RUVBL1: variants seen among roughly 807,000 people sequenced by gnomAD.
The protein encoded by RUVBL1 is RuvB like AAA ATPase 1.
A neutral mutation model predicts 52.4 loss-of-function variants in RUVBL1; 4 were observed. The observed-to-expected ratio is 0.08, with a 90% CI of 0.04 to 0.17. The LOEUF is 0.17. Among genes scored for constraint, RUVBL1 ranks in the 10% least tolerant of loss-of-function variants. The probability of loss-of-function intolerance (pLI) is 1.00; values close to 1 mark genes in which losing one functional copy is unlikely to be tolerated. For missense variants in RUVBL1, 298 were observed against 572.8 expected, an observed-to-expected ratio of 0.52 and a Z score of 4.90; for synonymous variants, 217 against 214.4, an observed-to-expected ratio of 1.01 and a Z score of -0.10.
intron 8 of RUVBL1, among the ~76,000 whole-genome samples, chr3:128,090,343 C>T (rs1942802157): frequency 1.3e-5 from 2 of 151,854 alleles, no homozygotes; most frequent in Non-Finnish European, 2.9e-5. Flanking sequence ...CACGGTGAAA[C>T]CCCGTCTCTA....
intron 8 of RUVBL1, among the ~76,000 whole-genome samples, chr3:128,088,999 A>G (rs550730265): frequency 6.6e-6 from 1 of 152,230 alleles, no homozygotes; most frequent in Non-Finnish European, 1.5e-5. Flanking sequence ...ATAGAGCTAC[A>G]CATGAGTTAT....
intron 8 of RUVBL1, among the ~76,000 whole-genome samples, chr3:128,092,129 T>C (rs1343952411): frequency 6.6e-6 from 1 of 152,240 alleles, no homozygotes; most frequent in African/African-American, 2.4e-5. Flanking sequence ...CAAATGGTTC[T>C]GGGACAACTG....
At position 128,067,519 on chromosome 3, in the gene RUVBL1, G is replaced by A. The variant is rs766132682; in HGVS notation, c.940-2299C>T. 2.2e-5 allele frequency: 36 copies of A among 1,613,998 alleles called. No individual in the cohort carries two copies. The highest frequency in any genetic ancestry group is 1.3e-4 in the Admixed American group (8 of 60,000). Reference sequence around the variant, plus strand: ...CTTTTGGCTCCGTGTTAGAAGACCCGGTCCATGCAGTTGTATACATAGTGT... The same window carrying A: ...CTTTTGGCTCCGTGTTAGAAGACCCAGTCCATGCAGTTGTATACATAGTGT... On this transcript the variant is annotated intron_variant, in intron 9 of 9. Coordinates refer to the RUVBL1 transcript ENST00000464873. This position sits in a 1 kb window ranked among gnomAD's most constrained non-coding sequence, Gnocchi z 4.1.
At chr3:128,088,616 T>A (rs780573488) in intron 8 of RUVBL1, among the ~76,000 whole-genome samples, 2 of 151,746 alleles carry the variant, frequency 1.3e-5, no homozygotes, top group Non-Finnish European at 2.9e-5. Context: ...TTTTGTTTTG[T>A]TTTTGAGACT....
At chr3:128,144,840 C>T (rs955438533) in intron 1 of RUVBL1, among the ~76,000 whole-genome samples, 26 of 152,214 alleles carry the variant, frequency 1.7e-4, no homozygotes, top group African/African-American at 6.3e-4. Flanking sequence ...CCTGGTCCCT[C>T]CTTCCCCCCA....
downstream of RUVBL1, among the ~76,000 whole-genome samples, chr3:128,079,240 C>T (rs1160440863): frequency 1.3e-5 from 2 of 152,262 alleles, no homozygotes. Flanking sequence ...CCGCTTCCTT[C>T]ACCTGGCTGG....
At chr3:128,123,996 G>A (rs994246352), upstream of RUVBL1, 5 of 817,980 alleles carry the variant, frequency 6.1e-6, no homozygotes, top group Non-Finnish European at 7.4e-6. Flanking sequence ...GGCTGGGGTC[G>A]GGAGCACAGT....
upstream of RUVBL1, among the ~76,000 whole-genome samples, chr3:128,124,668 A>G (rs1943754834): frequency 6.6e-6 from 1 of 152,194 alleles, no homozygotes; most frequent in African/African-American, 2.4e-5. Context: ...GGATACAGGG[A>G]TAAAAGTCTT....
chr3:128,113,130 A>G, intron 2 of RUVBL1, 110 bp from the exon 3 acceptor site: 1 of 1,227,964 alleles, frequency 8.1e-7, no homozygotes, highest in Non-Finnish European at 1.1e-6. Context: ...ATCTAGTCCT[A>G]CCATTTAGCA....
At chr3:128,113,760 AATTG>A (rs1363819242) in intron 2 of RUVBL1, among the ~76,000 whole-genome samples, 1 of 152,190 alleles carries the variant, frequency 6.6e-6, no homozygotes, top group Non-Finnish European at 1.5e-5. Context: ...AGTCATCCAA[AATTG>A]TTCTCTCAAT....
intron 1 of RUVBL1, among the ~76,000 whole-genome samples, chr3:128,134,517 T>C (rs949467814): frequency 4.8e-5 from 7 of 146,176 alleles, no homozygotes; most frequent in Non-Finnish European, 1.0e-4. Context: ...CCAGGCATGG[T>C]GGCTCATGCC....
At chr3:128,092,535 G>C (rs1243959551) in intron 8 of RUVBL1, among the ~76,000 whole-genome samples, 1 of 151,638 alleles carries the variant, frequency 6.6e-6, no homozygotes, top group Non-Finnish European at 1.5e-5. Flanking sequence ...ATAAAAAATG[G>C]GCAAAGGATG....
chr3:128,105,011 G>A (rs1025998108), intron 3 of RUVBL1, 87 bp from the exon 4 acceptor site: 5 of 1,442,174 alleles, frequency 3.5e-6, no homozygotes, highest in South Asian at 1.3e-5. Context: ...CACCAGAACT[G>A]CCAAATCAAC....
downstream of RUVBL1, among the ~76,000 whole-genome samples, chr3:128,077,342 C>A (rs967496529): frequency 6.6e-6 from 1 of 152,206 alleles, no homozygotes; most frequent in Non-Finnish European, 1.5e-5. Context: ...TCCCTCACCC[C>A]CTATCCTCTT....
Position 128,081,104 on chromosome 3 carries a change from A to G in RUVBL1, c.*146T>C. Reference sequence around the variant, plus strand: ...CAGGAACAGTTACGATAACTTAAAAAGAAATGCTTTCCACACTGAACTGAC... The same window carrying G: ...CAGGAACAGTTACGATAACTTAAAAGGAAATGCTTTCCACACTGAACTGAC... On this transcript the variant is annotated 3_prime_UTR_variant, in exon 11 of 11. Transcript: ENST00000322623. The surrounding 1 kb of genome is among the most constrained non-coding windows in gnomAD (Gnocchi z 4.8). 7.1e-6 allele frequency: 5 copies of G among 705,132 alleles called. No homozygotes were observed. The highest frequency in any genetic ancestry group is 1.1e-5 in the Non-Finnish European group (5 of 440,384). The allele number at this position is 705,132 out of a possible 1,614,324, so 43.7% of individuals were successfully genotyped here.
chr3:128,123,487 T>G, intron 1 of RUVBL1, 97 bp downstream of exon 1: 1 of 1,303,704 alleles, frequency 7.7e-7, no homozygotes, highest in Non-Finnish European at 1.0e-6. Flanking sequence ...GGGAGACCCC[T>G]GGCGCGCGCA....
chr3:128,138,230 C>A (rs892811193), intron 1 of RUVBL1, among the ~76,000 whole-genome samples: 5 of 151,758 alleles, frequency 3.3e-5, no homozygotes, highest in African/African-American at 1.2e-4. Context: ...GCATTCAAAT[C>A]GGAAAGAAAG....
intron 8 of RUVBL1, among the ~76,000 whole-genome samples, chr3:128,089,285 G>A (rs1020985523): frequency 3.9e-5 from 6 of 152,236 alleles, no homozygotes; most frequent in East Asian, 1.9e-4. Flanking sequence ...ACCCTGAGGT[G>A]CCCTGCGCAG....
intron 9 of RUVBL1, among the ~76,000 whole-genome samples, chr3:128,066,300 GA>G (rs1941975792): frequency 6.6e-6 from 1 of 152,130 alleles, no homozygotes; most frequent in African/African-American, 2.4e-5. Context: ...GCGCCCTTGG[GA>G]TTTGGGTGTG....
Sources: gnomAD v4.1 joint callset for allele counts (sites outside exome capture counted in the v4.1 genomes callset) on GRCh38, gnomAD v4.1.1 for gene constraint, Gnocchi (gnomAD v3.1) non-coding constraint, MANE v1.5 for transcripts, NCBI Gene and HGNC (gene_info 2026-07-23, HGNC 2026-07-21) for gene names.